Variants in SCN10A observed in about 807,000 individuals in gnomAD.
SCN10A encodes sodium voltage-gated channel alpha subunit 10, also known as sodium channel protein type 10 subunit alpha.
Under a neutral mutation model 170.7 loss-of-function variants are expected in SCN10A, and 162 were observed. The ratio of observed to expected loss-of-function variants is 0.95; its 90% CI spans 0.84 to 1.08. The LOEUF (loss-of-function observed/expected upper bound fraction) is 1.08. Ranked by LOEUF, SCN10A falls within the 50% of genes least tolerant of loss-of-function variation. The probability of loss-of-function intolerance (pLI) is 0.00; values close to 1 mark genes in which losing one functional copy is unlikely to be tolerated. For synonymous variants in SCN10A, 985 were observed against 904.6 expected (o/e 1.09, Z -1.59); for missense variants, 2,527 against 2,436.9 (o/e 1.04, Z -0.78).
At position 38,723,654 on chromosome 3, in the gene SCN10A, C is replaced by T. The variant is rs576760756; in HGVS notation, c.3229-101G>A. On this transcript the variant is annotated intron_variant, in intron 18 of 27. Coordinates refer to ENST00000449082, the MANE Select transcript of SCN10A (RefSeq NM_006514.4). ...TCAACTGCACCCATGTTTGGTGCCTCGCCAGCTGAGGCCTGGAACACTGCT... is the reference window on the plus strand; with the variant it reads ...TCAACTGCACCCATGTTTGGTGCCTTGCCAGCTGAGGCCTGGAACACTGCT... 3.4e-5 allele frequency: 47 copies of T among 1,365,662 alleles called. No individual in the cohort carries two copies. In the African/African-American group the frequency reaches 3.6e-4, roughly 10 times the overall value. 84.6% of individuals were successfully genotyped at this position (1,365,662 alleles called of 1,614,324 possible). A position where few individuals can be genotyped will look rare whatever the true frequency, so the allele number is the denominator to read the frequency against.
At chr3:38,755,408 T>C (rs1166917224) in intron 11 of SCN10A, among the ~76,000 whole-genome samples, 1 of 151,928 alleles carries the variant, frequency 6.6e-6, no homozygotes, top group African/African-American at 2.4e-5. Context: ...ACCTTAAGAT[T>C]GGCATGTTCA....
intron 13 of SCN10A, among the ~76,000 whole-genome samples, chr3:38,742,971 A>T (rs1248424601): frequency 6.6e-6 from 1 of 152,168 alleles, no homozygotes; most frequent in African/African-American, 2.4e-5. Flanking sequence ...ACCTGGCTGG[A>T]AAAAATACAC....
At chr3:38,716,679 G>T (rs563088270) in intron 21 of SCN10A, among the ~76,000 whole-genome samples, 1 of 152,194 alleles carries the variant, frequency 6.6e-6, no homozygotes. Flanking sequence ...AGGATAGATA[G>T]TTGAATGGAA....
Position 38,713,723 on chromosome 3 carries a change from G to A in SCN10A, c.3804+235C>T, listed in dbSNP as rs939367816. On this transcript the variant is annotated intron_variant, in intron 22 of 27. Coordinates refer to ENST00000449082, the MANE Select transcript of SCN10A (RefSeq NM_006514.4). ...TGTTTGTTTTTTGAGGCGGAGTCTC[G>A]CTCTGTCACCCAGGCTGGAGTATAA... Among the ~76,000 whole-genome samples the A allele has an allele frequency of 2.6e-5, 4 of 152,038 alleles. No homozygotes were observed. In the East Asian group the frequency reaches 5.8e-4, roughly 22 times the overall value.
chr3:38,790,675 T>A (rs1423714563), intron 3 of SCN10A, among the ~76,000 whole-genome samples: 1 of 152,080 alleles, frequency 6.6e-6, no homozygotes, highest in Admixed American at 6.6e-5. Context: ...ACTTCCTCAC[T>A]GTAGATACTG....
chr3:38,811,006 T>G (rs1202407155), intron 1 of SCN10A, among the ~76,000 whole-genome samples: 1 of 152,204 alleles, frequency 6.6e-6, no homozygotes, highest in Non-Finnish European at 1.5e-5. Context: ...AACTTATGTT[T>G]CAAGAGGATA....
At chr3:38,736,962 C>CTTTTTTTTTT (rs2063567359) in intron 15 of SCN10A, among the ~76,000 whole-genome samples, 2 of 69,248 alleles carry the variant, frequency 2.9e-5, no homozygotes, top group African/African-American at 1.0e-4. Flanking sequence ...CAGAAATGTT[C>CTTTTTTTTTT]GTTTTTTTTT....
chr3:38,736,810 G>A (rs2063565352), intron 15 of SCN10A, among the ~76,000 whole-genome samples: 1 of 149,898 alleles, frequency 6.7e-6, no homozygotes, highest in Admixed American at 6.6e-5. Flanking sequence ...GGACAGGGTA[G>A]CATTCCCCTG....
intron 13 of SCN10A, among the ~76,000 whole-genome samples, chr3:38,746,010 A>C (rs1446971520): frequency 7.1e-6 from 1 of 141,672 alleles, no homozygotes; most frequent in African/African-American, 2.5e-5. Flanking sequence ...TACCACTTAC[A>C]TTCAAACTGC....
In SCN10A at chr3:38,726,877, G is replaced by A. The variant is rs202174472; in HGVS notation, c.2816C>T (p.Pro939Leu). ...CSFFSRSCPF[P>L]QPKAEPELVV... is the part of the protein sequence containing the mutation. ...CAGCTCAGGCTCTGCCTTGGGCTGGGGGAATGGGCAGGACCTGCTGAAGAA... is the reference window on the plus strand; with the variant it reads ...CAGCTCAGGCTCTGCCTTGGGCTGGAGGAATGGGCAGGACCTGCTGAAGAA... The change falls in exon 17 of 28, where the codon CCC becomes CTC. Residue 939 changes from proline (P) to leucine (L), a missense_variant. Pro to Leu is a moderately conservative substitution (Grantham distance 98, BLOSUM62 -3). Coordinates refer to ENST00000449082, the MANE Select transcript of SCN10A (RefSeq NM_006514.4). 1.8e-4 allele frequency: 293 copies of A among 1,614,096 alleles called. 2 individuals carry two copies. Among genetic ancestry groups the A allele is most frequent in the Middle Eastern group, 1.3e-3 (8 of 6,084 alleles).
At chr3:38,757,581 C>G (rs1287032131) in intron 8 of SCN10A, among the ~76,000 whole-genome samples, 1 of 152,222 alleles carries the variant, frequency 6.6e-6, no homozygotes, top group Non-Finnish European at 1.5e-5. Flanking sequence ...GTGGAAATAA[C>G]ACTTTCCACT....
rs1422194927 is a variant in SCN10A, at chr3:38,728,876, G to A, written c.2306C>T (p.Ser769Phe). 6.2e-7 allele frequency: 1 copy of A among 1,610,990 alleles called. No individual in the cohort carries two copies. The change falls in exon 16 of 28, where the codon TCC (serine) becomes TTC (phenylalanine). Residue 769 changes from serine (S) to phenylalanine (F), a missense_variant. Ser to Phe is a radical substitution (Grantham distance 155). Coordinates refer to ENST00000449082, the MANE Select transcript of SCN10A (RefSeq NM_006514.4). ...RLLRVFKLAK[S>F]WPTLNTLIKI... ...GATGAGTGTGTTTAAGGTGGGCCAGGATTTGGCCAGCTTGAATACGCGCAG... is the reference window on the plus strand; with the variant it reads ...GATGAGTGTGTTTAAGGTGGGCCAGAATTTGGCCAGCTTGAATACGCGCAG...
At chr3:38,810,100 A>G in intron 1 of SCN10A, among the ~76,000 whole-genome samples, 1 of 152,236 alleles carries the variant, frequency 6.6e-6, no homozygotes, top group Non-Finnish European at 1.5e-5. Flanking sequence ...TACCAAAAGC[A>G]TGAGCCCCTG....
chr3:38,710,983 G>A, intron 23 of SCN10A, 86 bp from the exon 24 acceptor site: 1 of 1,150,254 alleles, frequency 8.7e-7, no homozygotes. Flanking sequence ...CAGTGAGAGA[G>A]GAGAGAGTCC....
chr3:38,807,444 C>T (rs1401840788), intron 1 of SCN10A, among the ~76,000 whole-genome samples: 1 of 152,134 alleles, frequency 6.6e-6, no homozygotes, highest in East Asian at 1.9e-4. Context: ...TGCAAATGAC[C>T]TCCAGGCTGA....
intron 15 of SCN10A, among the ~76,000 whole-genome samples, chr3:38,729,599 T>C (rs1419739741): frequency 6.6e-6 from 1 of 152,226 alleles, no homozygotes; most frequent in Admixed American, 6.5e-5. Flanking sequence ...TGAGAAAAGA[T>C]GAAGTCTCAA....
At chr3:38,762,530 A>C (rs1575160318) in intron 6 of SCN10A, among the ~76,000 whole-genome samples, 1 of 152,116 alleles carries the variant, frequency 6.6e-6, no homozygotes, top group East Asian at 1.9e-4. Flanking sequence ...AATGGTGTGG[A>C]GTATTTGCAG....
At chr3:38,785,260 C>T (rs140967053) in intron 4 of SCN10A, among the ~76,000 whole-genome samples, 683 of 152,242 alleles carry the variant, frequency 4.5e-3, no homozygotes, top group Middle Eastern at 0.014. Flanking sequence ...ACCAAAACAG[C>T]GAGGTACTGG....
In SCN10A at chr3:38,713,756, A is replaced by G. The variant is rs558037918; in HGVS notation, c.3804+202T>C. 3.9e-5 allele frequency among the ~76,000 whole-genome samples: 6 copies of G among 152,100 alleles called. No homozygotes were observed. In the East Asian group the frequency reaches 1.2e-3, roughly 30 times the overall value. ...ACCCAGGCTGGAGTATAATGGCACA[A>G]TCTCGGCTCACTACCACCACACCTC... On this transcript the variant is annotated intron_variant, in intron 22 of 27. Coordinates refer to ENST00000449082, the MANE Select transcript of SCN10A (RefSeq NM_006514.4).
Sources: gnomAD v4.1 joint callset for allele counts (sites outside exome capture counted in the v4.1 genomes callset) on GRCh38, gnomAD v4.1.1 for gene constraint, MANE v1.5 for transcripts, NCBI Gene and HGNC (gene_info 2026-07-23, HGNC 2026-07-21) for gene names.